The following AKR1C4 variants were observed in gnomAD, a reference collection of about 807,000 sequenced individuals.
The protein encoded by AKR1C4 is aldo-keto reductase family 1 member C4.
Under a neutral mutation model 41.0 loss-of-function variants are expected in AKR1C4, and 44 were observed. That is an observed-to-expected ratio of 1.07 (90% CI 0.84 to 1.38). AKR1C4 has a LOEUF of 1.38. AKR1C4 is among the 40% of genes most tolerant of loss of function. The probability of loss-of-function intolerance (pLI) is 0.00; values close to 1 mark genes in which losing one functional copy is unlikely to be tolerated. For missense variants in AKR1C4, 438 were observed against 387.9 expected (o/e 1.13, Z -1.09); for synonymous variants, 165 against 137.7 (o/e 1.20, Z -1.39).
At chr10:5,200,029 T>A in intron 1 of AKR1C4, 152 bp from the exon 2 acceptor site, 1 of 927,292 alleles carries the variant, frequency 1.1e-6, no homozygotes, top group South Asian at 1.9e-5. Flanking sequence ...CCTGCCCCCA[T>A]CTGTATGCTC....
rs1832676481 is a variant in AKR1C4, at chr10:5,217,807, G to A, written c.930-911G>A. 3.3e-5 allele frequency among the ~76,000 whole-genome samples: 5 copies of A among 152,248 alleles called. No homozygotes were observed. In the South Asian group the frequency reaches 1.0e-3, roughly 32 times the overall value. On this transcript the variant is annotated intron_variant, in intron 8 of 8. Coordinates refer to ENST00000263126, the MANE Select transcript of AKR1C4 (RefSeq NM_001818.5). ...AAGAGTTGGAAAGTCCCATCTTTGG[G>A]GATAATATATAGCTGACAAAAGATC... is the stretch of plus-strand genomic sequence containing the variant.
chr10:5,205,809 C>T lies in AKR1C4; in HGVS notation c.422C>T (p.Thr141Ile). The change falls in exon 4 of 9, where the codon ACA becomes ATA. Residue 141 changes from threonine (T) to isoleucine (I), a missense_variant. Physicochemically the swap from Thr to Ile is moderately conservative, Grantham distance 89. Transcript: ENST00000263126. ...KDENGKVIFD[T>I]VDLSATWEVM... ...GAAAATGGAAAAGTAATATTCGACA[C>T]AGTGGATCTCTCTGCCACATGGGAG... 2 of 1,613,476 alleles carry T rather than the reference C, an allele frequency of 1.2e-6. No homozygotes were observed. Among genetic ancestry groups the T allele is most frequent in the Non-Finnish European group, 1.7e-6 (2 of 1,179,574 alleles).
chr10:5,212,514 C>T, intron 5 of AKR1C4, 102 bp from the exon 6 acceptor site: 2 of 1,045,202 alleles, frequency 1.9e-6, no homozygotes, highest in South Asian at 3.9e-5. Context: ...CAGTAATATT[C>T]TGTTCAAATT....
At chr10:5,197,090 T>C (rs1019177929) in intron 1 of AKR1C4, 139 bp downstream of exon 1, 1 of 789,734 alleles carries the variant, frequency 1.3e-6, no homozygotes, top group East Asian at 2.5e-5. Flanking sequence ...AGAGCTATTC[T>C]ATGTTCAAAG....
At chr10:5,209,138 C>G (rs1165736645) in intron 5 of AKR1C4, among the ~76,000 whole-genome samples, 1 of 152,170 alleles carries the variant, frequency 6.6e-6, no homozygotes, top group Non-Finnish European at 1.5e-5. Context: ...ATTAGTGATG[C>G]TAATTTTGAT....
At chr10:5,206,238 C>T (rs1554797463) in intron 4 of AKR1C4, 37 bp from the exon 5 acceptor site, 1 of 1,613,546 alleles carries the variant, frequency 6.2e-7, no homozygotes, top group Admixed American at 1.7e-5. Flanking sequence ...CTGCAGCCAA[C>T]TGCACAAATA....
At chr10:5,207,023 C>T (rs1221388356) in intron 5 of AKR1C4, 1 of 153,538 alleles carries the variant, frequency 6.5e-6, no homozygotes, top group Non-Finnish European at 1.4e-5. Flanking sequence ...ACCCCTGCCT[C>T]GTGTAGAAAA....
rs371373334 is a variant in AKR1C4 at position 5,212,744 on chromosome 10, A to T, written c.680+19A>T. 3.4e-5 allele frequency: 54 copies of T among 1,598,270 alleles called. No homozygotes were observed. Among genetic ancestry groups the T allele is most frequent in the Non-Finnish European group, 4.5e-5 (53 of 1,172,740 alleles). On this transcript the variant is annotated intron_variant, in intron 6 of 8. Transcript: ENST00000263126. The stretch of plus-strand genomic sequence containing the variant: ...AACTATGGTAATAAGAGCATCAGGA[A>T]GTTTACCTAAAATGCCATTTTGATG...
intron 8 of AKR1C4, among the ~76,000 whole-genome samples, chr10:5,218,067 G>A (rs1007283529): frequency 1.3e-5 from 2 of 152,134 alleles, no homozygotes; most frequent in Non-Finnish European, 2.9e-5. Context: ...AGGAAAGGAA[G>A]AGTGGCAAAC....
At chr10:5,213,273 C>G (rs1832606159) in intron 7 of AKR1C4, 114 bp downstream of exon 7, 1 of 1,479,324 alleles carries the variant, frequency 6.8e-7, no homozygotes, top group Non-Finnish European at 9.1e-7. Flanking sequence ...ATTTCCTATG[C>G]ACAAATGCTT....
intron 2 of AKR1C4, among the ~76,000 whole-genome samples, chr10:5,203,685 A>T (rs1278314173): frequency 6.6e-6 from 1 of 152,170 alleles, no homozygotes; most frequent in African/African-American, 2.4e-5. Flanking sequence ...CTTGGAAAAA[A>T]GTTTGCAGTG....
chr10:5,205,662 C>T (rs1444804936), intron 3 of AKR1C4, 95 bp from the exon 4 acceptor site: 1 of 1,060,622 alleles, frequency 9.4e-7, no homozygotes, highest in African/African-American at 1.6e-5. Context: ...TCAGCACCTA[C>T]CTCACGGTGG....
At chr10:5,218,264 C>T (rs1233174445) in intron 8 of AKR1C4, among the ~76,000 whole-genome samples, 1 of 152,130 alleles carries the variant, frequency 6.6e-6, no homozygotes, top group Non-Finnish European at 1.5e-5. Flanking sequence ...AGCAGCTAGT[C>T]AGTAATGAAT....
chr10:5,214,393 G>T (rs1832624450), intron 7 of AKR1C4, among the ~76,000 whole-genome samples: 2 of 152,040 alleles, frequency 1.3e-5, no homozygotes, highest in Non-Finnish European at 1.5e-5. Context: ...TAATGGCTTG[G>T]CTAGTCCTGA....
Position 5,204,371 on chromosome 10 carries a change from A to G in AKR1C4, c.253-6A>G. 6.2e-7 allele frequency: 1 copy of G among 1,600,258 alleles called. No individual in the cohort carries two copies. Among genetic ancestry groups the G allele is most frequent in the Non-Finnish European group, 8.6e-7 (1 of 1,168,906 alleles). Reference sequence around the variant, plus strand: ...TTCAACATAAATCCTTTATTTTACCATGCAGCTTTGGTGCACTTTCTTTCA... The same window carrying G: ...TTCAACATAAATCCTTTATTTTACCGTGCAGCTTTGGTGCACTTTCTTTCA... On this transcript the variant is annotated splice_polypyrimidine_tract_variant and splice_region_variant and intron_variant, in intron 2 of 8. Coordinates refer to ENST00000263126, the MANE Select transcript of AKR1C4 (RefSeq NM_001818.5).
intron 2 of AKR1C4, among the ~76,000 whole-genome samples, chr10:5,201,724 T>A (rs1832402848): frequency 6.6e-6 from 1 of 152,218 alleles, no homozygotes; most frequent in South Asian, 2.1e-4. Context: ...TGTTATCTTC[T>A]AAAATTTTTA....
At chr10:5,197,422 C>T (rs556960536) in intron 1 of AKR1C4, among the ~76,000 whole-genome samples, 17 of 152,138 alleles carry the variant, frequency 1.1e-4, no homozygotes, top group South Asian at 2.1e-4. Context: ...GCTGAGCTGC[C>T]GCGTGGTCTT....
chr10:5,204,247 AAAAC>A (rs3039099), intron 2 of AKR1C4, 126 bp from the exon 3 acceptor site: 93,516 of 705,084 alleles, frequency 0.13, 6,816 homozygotes, highest in Admixed American at 0.19. Flanking sequence ...ATATCAAAAT[AAAAC>A]AAAGGGAATT....
At chr10:5,204,193 G>T (rs904391361) in intron 2 of AKR1C4, among the ~76,000 whole-genome samples, 184 bp from the exon 3 acceptor site, 2 of 151,652 alleles carry the variant, frequency 1.3e-5, no homozygotes, top group Non-Finnish European at 2.9e-5. Context: ...TTCAGCAGTT[G>T]TACTAACTAT....
Sources: gnomAD v4.1 joint callset for allele counts (sites outside exome capture counted in the v4.1 genomes callset) on GRCh38, gnomAD v4.1.1 for gene constraint, MANE v1.5 for transcripts, NCBI Gene and HGNC (gene_info 2026-07-23, HGNC 2026-07-21) for gene names.